SNTB1: variants seen among roughly 807,000 people sequenced by gnomAD.
SNTB1 encodes the protein beta-1-syntrophin.
A neutral mutation model predicts 48.9 loss-of-function variants in SNTB1; 36 were observed. The observed-to-expected ratio is 0.74, with a 90% CI of 0.56 to 0.97. SNTB1 has a LOEUF of 0.97. SNTB1 is among the 50% of genes least tolerant of loss of function. SNTB1 has a pLI of 0.00. For synonymous variants in SNTB1, 299 were observed against 294.6 expected (o/e 1.01, Z -0.15); for missense variants, 786 against 703.4 (o/e 1.12, Z -1.33).
intron 6 of SNTB1, among the ~76,000 whole-genome samples, chr8:120,540,871 G>A (rs955822395): frequency 2.6e-5 from 4 of 152,104 alleles, no homozygotes; most frequent in African/African-American, 9.7e-5. Context: ...AGAAGAGTGG[G>A]GCTGCAATTC....
chr8:120,698,289 T>A (rs1818244194), intron 1 of SNTB1, among the ~76,000 whole-genome samples: 1 of 152,180 alleles, frequency 6.6e-6, no homozygotes, highest in Non-Finnish European at 1.5e-5. Context: ...TGGGAGGAAA[T>A]CTTAGCAAAA....
At position 120,811,364 on chromosome 8, in the gene SNTB1, G is replaced by A. The variant is rs759797399; in HGVS notation, c.480C>T (p.Ile160=). The change falls in exon 1 of 7, where the codon ATC becomes ATT. Residue 160 remains isoleucine (I), a synonymous_variant. Transcript: ENST00000517992. ...QTQALYVGDA[I]LSVNGADLRD... ...GCAGGTCGGCTCCGTTCACGGACAG[G>A]ATGGCGTCGCCCACGTACAGGGCTT... 4 of 1,613,756 alleles carry A rather than the reference G, an allele frequency of 2.5e-6. No homozygotes were observed. The highest frequency in any genetic ancestry group is 2.5e-6 in the Non-Finnish European group (3 of 1,179,920).
intron 1 of SNTB1, among the ~76,000 whole-genome samples, chr8:120,738,227 T>C (rs187508440): frequency 6.6e-4 from 101 of 152,232 alleles, no homozygotes; most frequent in Middle Eastern, 3.4e-3. Context: ...CTTCACAGCC[T>C]CCAGAATCAT....
At chr8:120,571,199 T>C in intron 4 of SNTB1, 1 of 1,248,534 alleles carries the variant, frequency 8.0e-7, no homozygotes, top group Non-Finnish European at 1.0e-6. Flanking sequence ...GCCTGAGAGT[T>C]GCAGAAACTA....
At chr8:120,629,545 T>C (rs1816944488) in intron 3 of SNTB1, among the ~76,000 whole-genome samples, 1 of 152,236 alleles carries the variant, frequency 6.6e-6, no homozygotes, top group Non-Finnish European at 1.5e-5. Flanking sequence ...AGCAAATTCA[T>C]GATATTTGTG....
intron 1 of SNTB1, among the ~76,000 whole-genome samples, chr8:120,751,804 C>G (rs1340725718): frequency 2.0e-5 from 3 of 152,094 alleles, no homozygotes; most frequent in Non-Finnish European, 4.4e-5. Flanking sequence ...TATGCAAGGA[C>G]TGAGTACAGT....
intron 2 of SNTB1, chr8:120,635,747 C>T: frequency 5.0e-6 from 1 of 198,036 alleles, no homozygotes; most frequent in Non-Finnish European, 1.1e-5. Context: ...TCACTTTTCT[C>T]TGTCCCCTGT....
chr8:120,635,064 A>T (rs1399865021), intron 2 of SNTB1, among the ~76,000 whole-genome samples: 1 of 152,188 alleles, frequency 6.6e-6, no homozygotes, highest in Non-Finnish European at 1.5e-5. Context: ...CGTGTTAGCC[A>T]GAAAGTATTC....
chr8:120,568,853 A>C (rs1218040156), intron 4 of SNTB1, among the ~76,000 whole-genome samples: 1 of 152,220 alleles, frequency 6.6e-6, no homozygotes, highest in Non-Finnish European at 1.5e-5. Flanking sequence ...TTCCTCTTGC[A>C]GTTCAGTGGT....
rs946884339 is a variant in SNTB1 at position 120,563,847 on chromosome 8, C to T, written c.1136+11239G>A. Among the ~76,000 whole-genome samples the T allele has an allele frequency of 4.6e-5, 7 of 152,064 alleles. No homozygotes were observed. The East Asian group carries it at 5.8e-4, about 13-fold the overall frequency. On this transcript the variant is annotated intron_variant, in intron 4 of 6. Coordinates refer to ENST00000517992, the MANE Select transcript of SNTB1 (RefSeq NM_021021.4). ...AAGGCTGGCCGGGCATGGTGGCTCACGTCTGTAATCTCAGCACTTTGGGAG... is the reference window on the plus strand; with the variant it reads ...AAGGCTGGCCGGGCATGGTGGCTCATGTCTGTAATCTCAGCACTTTGGGAG...
chr8:120,541,966 G>A lies in SNTB1; in HGVS notation c.1368C>T (p.Thr456=). The A allele has an allele frequency of 6.2e-6, 10 of 1,613,732 alleles. No homozygotes were observed. The Middle Eastern group carries it at 1.6e-3, about 266-fold the overall frequency. ...TAGAAAATCCATTCTCATAATGTAT[G>A]GTCAAACGGCACTCCTGGTTTTTGT... ...CTYKNQECRL[T]IHYENGFSIT... is the part of the protein sequence containing the mutation. The change falls in exon 6 of 7, where the codon ACC becomes ACT. Residue 456 remains threonine (T), a synonymous_variant. Coordinates refer to ENST00000517992, the MANE Select transcript of SNTB1 (RefSeq NM_021021.4).
chr8:120,759,317 C>T (rs541372764), intron 1 of SNTB1, among the ~76,000 whole-genome samples: 104 of 152,238 alleles, frequency 6.8e-4, no homozygotes, highest in Non-Finnish European at 1.0e-3. Context: ...GCAGAGTTCA[C>T]GATCAACCTA....
At chr8:120,742,483 G>C (rs1449685259) in intron 1 of SNTB1, among the ~76,000 whole-genome samples, 1 of 152,174 alleles carries the variant, frequency 6.6e-6, no homozygotes, top group African/African-American at 2.4e-5. Flanking sequence ...CTTACAGGAA[G>C]CAAAGGGATC....
chr8:120,650,003 G>A (rs1587063066), intron 2 of SNTB1, among the ~76,000 whole-genome samples: 1 of 152,188 alleles, frequency 6.6e-6, no homozygotes, highest in Non-Finnish European at 1.5e-5. Flanking sequence ...CCCAAGTGAG[G>A]CAATGCCTCG....
intron 3 of SNTB1, among the ~76,000 whole-genome samples, chr8:120,583,558 C>T (rs1225365624): frequency 7.9e-6 from 1 of 126,948 alleles, no homozygotes; most frequent in African/African-American, 2.9e-5. Flanking sequence ...CACACACACA[C>T]ACAAAACTGG....
At chr8:120,576,712 G>A (rs568264495) in intron 3 of SNTB1, among the ~76,000 whole-genome samples, 1 of 152,256 alleles carries the variant, frequency 6.6e-6, no homozygotes, top group South Asian at 2.1e-4. Context: ...CTAGCTGTGG[G>A]GGTCTTGGGC....
intron 1 of SNTB1, among the ~76,000 whole-genome samples, chr8:120,723,994 C>T (rs1397879582): frequency 6.6e-6 from 1 of 152,182 alleles, no homozygotes; most frequent in Non-Finnish European, 1.5e-5. Context: ...TCAAGGGAGG[C>T]ATGCTTAATG....
chr8:120,703,070 T>C (rs1818331443), intron 1 of SNTB1, among the ~76,000 whole-genome samples: 1 of 152,158 alleles, frequency 6.6e-6, no homozygotes. Flanking sequence ...CTACAAAACA[T>C]GGAATTGTGA....
intron 1 of SNTB1, among the ~76,000 whole-genome samples, chr8:120,774,434 G>A (rs1190520191): frequency 1.3e-5 from 2 of 152,168 alleles, no homozygotes; most frequent in African/African-American, 4.8e-5. Flanking sequence ...GAGGAGGATG[G>A]TACTATCAGA....
Sources: allele counts gnomAD v4.1 joint callset (sites outside exome capture counted in the v4.1 genomes callset), GRCh38; gene constraint gnomAD v4.1.1; transcripts MANE v1.5; gene names NCBI Gene and HGNC (gene_info 2026-07-23, HGNC 2026-07-21).